INTS9: variants seen among roughly 807,000 people sequenced by gnomAD.
INTS9 encodes the protein protein related to CPSF subunits of 74 kDa.
Under a neutral mutation model 79.7 loss-of-function variants are expected in INTS9, and 55 were observed. That is an observed-to-expected ratio of 0.69 (90% CI 0.56 to 0.86). The LOEUF (loss-of-function observed/expected upper bound fraction) is 0.86, where lower values mean the gene tolerates loss of function less well. Among genes scored for constraint, INTS9 ranks in the 40% least tolerant of loss-of-function variants. INTS9 has a pLI of 0.00. For missense variants in INTS9, 721 were observed against 831.5 expected (o/e 0.87, Z 1.64); for synonymous variants, 319 against 325.2 (o/e 0.98, Z 0.20).
Position 28,859,549 on chromosome 8 carries a change from C to T in INTS9, c.24G>A (p.Gly8=), listed in dbSNP as rs766677683. 8 of 1,613,914 alleles carry T rather than the reference C, an allele frequency of 5.0e-6. No individual in the cohort carries two copies. The highest frequency in any genetic ancestry group is 6.8e-6 in the Non-Finnish European group (8 of 1,179,950). ...GCACATTGCATGGTAAGGTTGGGTG[C>T]CCTGACAGGCAATACTGAAAAAAAT... MKLYCLS[G]HPTLPCNVLK... The change falls in exon 2 of 17, where the codon GGG becomes GGA. Residue 8 remains glycine (G), a synonymous_variant. Coordinates refer to ENST00000521022, the MANE Select transcript of INTS9 (RefSeq NM_018250.4).
At chr8:28,839,159 G>A (rs1807005792) in intron 4 of INTS9, among the ~76,000 whole-genome samples, 1 of 152,116 alleles carries the variant, frequency 6.6e-6, no homozygotes, top group Admixed American at 6.5e-5. Flanking sequence ...ATGATGTAGA[G>A]AGCCAAATCA....
chr8:28,812,195 A>G (rs1206791643), intron 8 of INTS9, 132 bp downstream of exon 8: 4 of 894,112 alleles, frequency 4.5e-6, no homozygotes, highest in Non-Finnish European at 6.9e-6. Context: ...CAAATAGTCT[A>G]CCTTGGCTAG....
chr8:28,768,104 G>A lies in INTS9; in HGVS notation c.*42C>T, dbSNP rs888202235. On this transcript the variant is annotated 3_prime_UTR_variant, in exon 17 of 17. Transcript: ENST00000521022. ...CAGGTGGCTTGTGAGGGCAGCCAGT[G>A]AGGGACTGCAGGATTTCAGGGAAGT... 6.3e-7 allele frequency: 1 copy of A among 1,595,424 alleles called. No individual in the cohort carries two copies. Among genetic ancestry groups the A allele is most frequent in the Non-Finnish European group, 8.6e-7 (1 of 1,164,498 alleles).
intron 4 of INTS9, among the ~76,000 whole-genome samples, chr8:28,843,716 T>C (rs1471619201): frequency 6.6e-6 from 1 of 152,084 alleles, no homozygotes; most frequent in East Asian, 1.9e-4. Flanking sequence ...TTGCTTTTCT[T>C]TTCTTCTTCC....
At chr8:28,784,515 T>C (rs778925991) in intron 11 of INTS9, among the ~76,000 whole-genome samples, 22 of 152,228 alleles carry the variant, frequency 1.4e-4, no homozygotes, top group Admixed American at 3.9e-4. Context: ...ACCTTCTACT[T>C]GGCATCCTGG....
intron 8 of INTS9, among the ~76,000 whole-genome samples, chr8:28,801,324 C>CA (rs1804504743): frequency 6.6e-6 from 1 of 151,904 alleles, no homozygotes; most frequent in East Asian, 1.9e-4. Flanking sequence ...CCCATCTCTA[C>CA]AAAAAATACA....
At chr8:28,853,257 T>C (rs1169952128) in intron 2 of INTS9, among the ~76,000 whole-genome samples, 3 of 151,926 alleles carry the variant, frequency 2.0e-5, no homozygotes. Context: ...CTACTAAAAA[T>C]ACAAAATTAT....
Position 28,770,003 on chromosome 8 carries a change from G to T in INTS9, c.1686C>A (p.Pro562=). 1.9e-6 allele frequency: 3 copies of T among 1,614,080 alleles called. No homozygotes were observed. The highest frequency in any genetic ancestry group is 2.5e-6 in the Non-Finnish European group (3 of 1,180,034). The change falls in exon 16 of 17, where the codon CCC becomes CCA. Residue 562 remains proline, a synonymous_variant. Transcript: ENST00000521022. ...CCCGCTTTCTCTTCTTCCCGCTCGT[G>T]GGCTGGGCGGGCCGAGGAGGGGGCT... ...LLQPPPRPAQ[P]TSGKKRKRVS...
intron 11 of INTS9, among the ~76,000 whole-genome samples, chr8:28,786,843 G>A (rs983077662): frequency 2.6e-5 from 4 of 151,986 alleles, no homozygotes; most frequent in Admixed American, 6.5e-5. Flanking sequence ...TCAGCCTCCC[G>A]AGCAGTTGTG....
intron 1 of INTS9, among the ~76,000 whole-genome samples, chr8:28,888,008 C>T (rs1378590555): frequency 1.3e-5 from 2 of 152,164 alleles, no homozygotes; most frequent in Non-Finnish European, 2.9e-5. Context: ...CACTTCCCTG[C>T]CTTCTTAAAC....
chr8:28,854,756 A>G (rs1563299754), intron 2 of INTS9, among the ~76,000 whole-genome samples: 1 of 152,144 alleles, frequency 6.6e-6, no homozygotes, highest in African/African-American at 2.4e-5. Context: ...GGCAGCATCA[A>G]AAGATTTCCC....
intron 1 of INTS9, among the ~76,000 whole-genome samples, chr8:28,866,900 G>A (rs1458439983): frequency 2.0e-5 from 3 of 151,968 alleles, no homozygotes; most frequent in Non-Finnish European, 4.4e-5. Flanking sequence ...GTGTGAACCC[G>A]GGAGGCAGAG....
chr8:28,839,677 A>G (rs1807043380), intron 4 of INTS9, among the ~76,000 whole-genome samples: 1 of 152,238 alleles, frequency 6.6e-6, no homozygotes, highest in Admixed American at 6.5e-5. Flanking sequence ...CCTGAAAAAA[A>G]TAAGCAATGG....
intron 11 of INTS9, among the ~76,000 whole-genome samples, chr8:28,786,383 C>T (rs1286152274): frequency 6.6e-6 from 1 of 152,028 alleles, no homozygotes; most frequent in South Asian, 2.1e-4. Flanking sequence ...CGAACTCCCT[C>T]AGCTTCAGGT....
intron 1 of INTS9, among the ~76,000 whole-genome samples, chr8:28,866,567 A>G (rs537442911): frequency 6.6e-6 from 1 of 152,268 alleles, no homozygotes; most frequent in South Asian, 2.1e-4. Context: ...CTAGTACTGT[A>G]TACAGTCCTT....
At chr8:28,811,804 T>C (rs1203897553) in intron 8 of INTS9, among the ~76,000 whole-genome samples, 1 of 152,176 alleles carries the variant, frequency 6.6e-6, no homozygotes, top group African/African-American at 2.4e-5. Context: ...CCAATGGCCA[T>C]CATTCTGAAA....
chr8:28,858,191 G>T (rs755017525), intron 2 of INTS9, among the ~76,000 whole-genome samples: 4 of 152,108 alleles, frequency 2.6e-5, no homozygotes, highest in Non-Finnish European at 4.4e-5. Context: ...TGGTACCTTA[G>T]ATTTTATTTT....
At chr8:28,809,934 G>A (rs1228208627) in intron 8 of INTS9, among the ~76,000 whole-genome samples, 2 of 152,168 alleles carry the variant, frequency 1.3e-5, no homozygotes, top group African/African-American at 4.8e-5. Context: ...CAACACTAGA[G>A]CACAGCATGG....
At chr8:28,848,276 C>T (rs537302632) in intron 3 of INTS9, among the ~76,000 whole-genome samples, 1 of 152,300 alleles carries the variant, frequency 6.6e-6, no homozygotes, top group South Asian at 2.1e-4. Context: ...CCATTAGTCA[C>T]TCAACATATA....
Sources: allele counts gnomAD v4.1 joint callset (sites outside exome capture counted in the v4.1 genomes callset), GRCh38; gene constraint gnomAD v4.1.1; transcripts MANE v1.5; gene names NCBI Gene and HGNC (gene_info 2026-07-23, HGNC 2026-07-21).